The following MX2 variants were observed in gnomAD, a reference collection of about 807,000 sequenced individuals.
MX2 encodes the protein MX dynamin like GTPase 2.
Under a neutral mutation model 74.0 loss-of-function variants are expected in MX2, and 51 were observed. The ratio of observed to expected loss-of-function variants is 0.69; its 90% CI spans 0.55 to 0.87. MX2 has a LOEUF of 0.87. MX2 is among the 40% of genes least tolerant of loss of function. The pLI is 0.00. For synonymous variants in MX2, 369 were observed against 339.3 expected (o/e 1.09, Z -0.96); for missense variants, 832 against 908.7 (o/e 0.92, Z 1.09).
intron 12 of MX2, among the ~76,000 whole-genome samples, chr21:41,405,945 C>T (rs1018650317): frequency 2.6e-5 from 4 of 152,012 alleles, no homozygotes; most frequent in Non-Finnish European, 4.4e-5. Flanking sequence ...CTCAGGTGAC[C>T]CACCTGCCTC....
At position 41,377,852 on chromosome 21, in the gene MX2, G is replaced by T; in HGVS notation, c.313G>T (p.Asp105Tyr). The change falls in exon 3 of 14, where the codon GAC becomes TAC. Residue 105 changes from aspartate to tyrosine, a missense_variant. By Grantham distance (160) the Asp-to-Tyr change is radical. Coordinates refer to ENST00000330714, the MANE Select transcript of MX2 (RefSeq NM_002463.2). ...GGTGCGCCCCTGCATTGACCTCATC[G>T]ACTCCCTGCGGGCTCTGGGTGTGGA... ...QKVRPCIDLI[D>Y]SLRALGVEQD... The T allele has an allele frequency of 6.2e-7, 1 of 1,614,194 alleles. No individual in the cohort carries two copies. The highest frequency in any genetic ancestry group is 8.5e-7 in the Non-Finnish European group (1 of 1,180,030).
intron 6 of MX2, among the ~76,000 whole-genome samples, chr21:41,392,703 T>A (rs868415534): frequency 2.6e-5 from 4 of 152,202 alleles, no homozygotes; most frequent in African/African-American, 9.7e-5. Context: ...GAAATTTTTT[T>A]TAAAAAAACA....
intron 1 of MX2, among the ~76,000 whole-genome samples, chr21:41,370,843 TAATTATGTGTTGG>T (rs367721058): frequency 1.3e-5 from 2 of 152,204 alleles, no homozygotes; most frequent in African/African-American, 2.4e-5. Context: ...GATCTTAAGG[TAATTATGTGTTGG>T]AATTATGTGT....
chr21:41,373,918 G>A (rs945975519), intron 1 of MX2: 1 of 152,032 alleles, frequency 6.6e-6, no homozygotes, highest in Non-Finnish European at 1.5e-5. Context: ...CCAGCCCTGG[G>A]ACAGGCTCCA....
intron 4 of MX2, among the ~76,000 whole-genome samples, chr21:41,381,181 G>A (rs1720855173): frequency 6.6e-6 from 1 of 152,152 alleles, no homozygotes; most frequent in African/African-American, 2.4e-5. Flanking sequence ...CCCTCAATTA[G>A]CAAGTTTCCT....
intron 13 of MX2, among the ~76,000 whole-genome samples, chr21:41,407,603 C>T (rs2089904117): frequency 6.6e-6 from 1 of 152,170 alleles, no homozygotes; most frequent in Non-Finnish European, 1.5e-5. Context: ...CACCTGGCTG[C>T]CAGGCATACT....
chr21:41,404,717 C>T (rs1018324025), intron 12 of MX2: 6 of 152,014 alleles, frequency 3.9e-5, no homozygotes, highest in Admixed American at 2.6e-4. Context: ...GCATTCATCT[C>T]GCGCTCAGTA....
At chr21:41,394,982 A>AGAAGGAAG (rs147857177) in intron 6 of MX2, among the ~76,000 whole-genome samples, 159 of 151,166 alleles carry the variant, frequency 1.1e-3, no homozygotes, top group African/African-American at 3.7e-3. Context: ...AAGCAAGGAA[A>AGAAGGAAG]GAAGGAAGGA....
At chr21:41,362,564 C>A (rs57016373) in intron 1 of MX2, among the ~76,000 whole-genome samples, 3,811 of 151,770 alleles carry the variant, frequency 0.025, 69 homozygotes, top group Non-Finnish European at 0.037. Context: ...TAGCCTTTGC[C>A]GATTCTCTTC....
chr21:41,396,818 G>A (rs1272539460), intron 7 of MX2, among the ~76,000 whole-genome samples: 1 of 152,136 alleles, frequency 6.6e-6, no homozygotes, highest in Non-Finnish European at 1.5e-5. Context: ...CAGGCCCATG[G>A]TTCTCCATGC....
chr21:41,395,059 C>G (rs1395457966), intron 6 of MX2, among the ~76,000 whole-genome samples: 5 of 151,898 alleles, frequency 3.3e-5, no homozygotes, highest in Non-Finnish European at 5.9e-5. Flanking sequence ...AATGCAGTGG[C>G]AATTTGACAC....
Position 41,403,903 on chromosome 21 carries a change from C to T in MX2, c.1650+560C>T, listed in dbSNP as rs371556174. On this transcript the variant is annotated intron_variant, in intron 12 of 13. Coordinates refer to ENST00000330714, the MANE Select transcript of MX2 (RefSeq NM_002463.2). ...AAGAAGGACAATTTTCGTCATTTTT[C>T]CGTCATATAAATTAATTTCTTCTTT... 4.0e-4 allele frequency: 97 copies of T among 239,758 alleles called. No individual in the cohort carries two copies. The East Asian group carries it at 8.2e-3, about 20-fold the overall frequency. The allele number at this position is 239,758 out of a possible 1,614,324, so 14.9% of individuals were successfully genotyped here. A position where few individuals can be genotyped will look rare whatever the true frequency, so the allele number is the denominator to read the frequency against.
chr21:41,387,794 G>A (rs936555185), intron 5 of MX2, among the ~76,000 whole-genome samples: 4 of 152,180 alleles, frequency 2.6e-5, no homozygotes, highest in Middle Eastern at 3.4e-3. Flanking sequence ...GCATCTAATC[G>A]GTACACAAAC....
intron 6 of MX2, among the ~76,000 whole-genome samples, chr21:41,392,828 G>A (rs2089678333): frequency 6.6e-6 from 1 of 152,032 alleles, no homozygotes; most frequent in Non-Finnish European, 1.5e-5. Flanking sequence ...ATTGAGGCCG[G>A]GCATGTTGAC....
At chr21:41,390,375 G>T in intron 5 of MX2, 190 bp from the exon 6 acceptor site, 1 of 669,278 alleles carries the variant, frequency 1.5e-6, no homozygotes, top group Non-Finnish European at 2.6e-6. Context: ...GGACAAGTGG[G>T]AGGTCATCAG....
chr21:41,383,840 GC>G (rs2089531312), intron 5 of MX2, among the ~76,000 whole-genome samples: 1 of 151,984 alleles, frequency 6.6e-6, no homozygotes, highest in African/African-American at 2.4e-5. Context: ...ATATTTCTTA[GC>G]CCTCCTAGGA....
Position 41,406,790 on chromosome 21 carries a change from A to AT in MX2, c.1697_1698insT (p.Met567HisfsTer32). ...GTGAAACACACAGCAAAGGCAGAAA[A>AT]CATGATCCAACTTCAGTTCAGAATG... On this transcript the variant is annotated frameshift_variant, in exon 13 of 14. Transcript: ENST00000330714. LOFTEE classifies it high-confidence loss of function. 6 of 1,614,272 alleles carry AT rather than the reference A, an allele frequency of 3.7e-6. No individual in the cohort carries two copies. The highest frequency in any genetic ancestry group is 5.1e-6 in the Non-Finnish European group (6 of 1,180,056).
At chr21:41,405,771 C>T (rs945677171) in intron 12 of MX2, among the ~76,000 whole-genome samples, 1 of 142,782 alleles carries the variant, frequency 7.0e-6, no homozygotes, top group Non-Finnish European at 1.5e-5. Flanking sequence ...ATGGCGCCAT[C>T]TCGGCTCACT....
chr21:41,365,415 G>C (rs1601386788), intron 1 of MX2: 2 of 152,144 alleles, frequency 1.3e-5, no homozygotes, highest in East Asian at 1.9e-4. Context: ...GGTGTCTCTT[G>C]TTCTCTTCTT....
Sources: gnomAD v4.1 joint callset for allele counts (sites outside exome capture counted in the v4.1 genomes callset) on GRCh38, gnomAD v4.1.1 for gene constraint, MANE v1.5 for transcripts, NCBI Gene and HGNC (gene_info 2026-07-23, HGNC 2026-07-21) for gene names.